Variants in CSNK1D observed in about 807,000 individuals in gnomAD.
The protein encoded by CSNK1D is casein kinase 1 delta, also known as casein kinase I isoform delta.
A neutral mutation model predicts 46.6 loss-of-function variants in CSNK1D; 16 were observed. The ratio of observed to expected loss-of-function variants is 0.34; its 90% confidence interval spans 0.23 to 0.52. The LOEUF is 0.52. Among genes scored for constraint, CSNK1D ranks in the 20% least tolerant of loss-of-function variants. The probability of loss-of-function intolerance (pLI) is 0.95; values close to 1 mark genes in which losing one functional copy is unlikely to be tolerated. For missense variants in CSNK1D, 398 were observed against 578.4 expected, an observed-to-expected ratio of 0.69 and a Z score of 3.20; for synonymous variants, 276 against 228.2, an observed-to-expected ratio of 1.21 and a Z score of -1.89.
Position 82,251,588 on chromosome 17 carries a change from G to T in CSNK1D, c.737-61C>A. The T allele has an allele frequency of 6.4e-7, 1 of 1,564,310 alleles. No homozygotes were observed. The highest frequency in any genetic ancestry group is 8.8e-7 in the Non-Finnish European group (1 of 1,139,826). ...CCCAACTGCGACTCAAGGTGTCTCT[G>T]CCAACGTCGCTGTCTACCTCCTGCT... On this transcript the variant is annotated intron_variant, in intron 5 of 8. Coordinates refer to ENST00000314028, the MANE Select transcript of CSNK1D (RefSeq NM_001893.6). This position sits in a 1 kb window ranked among gnomAD's most constrained non-coding sequence, Gnocchi z 4.5.
intron 2 of CSNK1D, among the ~76,000 whole-genome samples, chr17:82,258,650 T>C (rs995138390): frequency 2.6e-5 from 4 of 152,170 alleles, no homozygotes; most frequent in African/African-American, 9.7e-5. Context: ...CTGTCCCAAA[T>C]TTAGGCAACA....
Position 82,248,911 on chromosome 17 carries a change from T to C in CSNK1D, c.1161A>G (p.Thr387=). Residue 387 remains threonine, a synonymous_variant, in exon 8 of 9, where the codon ACA becomes ACG. Coordinates refer to ENST00000314028, the MANE Select transcript of CSNK1D (RefSeq NM_001893.6). The surrounding 1 kb of genome is among the most constrained non-coding windows in gnomAD (Gnocchi z 4.1). ...APVNISSSDL[T]GRQDTSRMST... is the part of the protein sequence containing the mutation. ...ACATGCGAGAGGTATCTTGTCGGCCTGTGAGGTCGGACGAGGAGATGTTGA... is the reference window on the plus strand; with the variant it reads ...ACATGCGAGAGGTATCTTGTCGGCCCGTGAGGTCGGACGAGGAGATGTTGA... The C allele has an allele frequency of 6.2e-7, 1 of 1,609,848 alleles. No homozygotes were observed. Among genetic ancestry groups the C allele is most frequent in the African/African-American group, 1.3e-5 (1 of 74,984 alleles).
Position 82,243,289 on chromosome 17 carries a change from C to T in CSNK1D, c.*1492G>A, listed in dbSNP as rs2050772588. ...AGAACCAAGGTGCACACCTTCGAAG[C>T]CCTAGAGTCCAAAGGGAACATCGTC... On this transcript the variant is annotated 3_prime_UTR_variant, in exon 9 of 9. Transcript: ENST00000314028. The T allele has an allele frequency of 2.0e-6, 2 of 985,412 alleles. No homozygotes were observed. The highest frequency in any genetic ancestry group is 4.7e-5 in the South Asian group (1 of 21,296). 61.0% of individuals were successfully genotyped at this position (985,412 alleles called of 1,614,324 possible).
Position 82,243,318 on chromosome 17 carries a change from C to A in CSNK1D, c.*1463G>T, listed in dbSNP as rs570269696. ...AGAGTCCAAAGGGAACATCGTCCAT[C>A]GTGATGGGGTCCAGCCGAAGTGCCC... is the stretch of plus-strand genomic sequence containing the variant. On this transcript the variant is annotated 3_prime_UTR_variant, in exon 9 of 9. Coordinates refer to ENST00000314028, the MANE Select transcript of CSNK1D (RefSeq NM_001893.6). The A allele has an allele frequency of 3.0e-6, 3 of 985,520 alleles. No individual in the cohort carries two copies. The highest frequency in any genetic ancestry group is 2.4e-6 in the Non-Finnish European group (2 of 829,990). 61.0% of individuals were successfully genotyped at this position (985,520 alleles called of 1,614,324 possible). A position where few individuals can be genotyped will look rare whatever the true frequency, so the allele number is the denominator to read the frequency against.
In CSNK1D at chr17:82,255,502, C is replaced by A; in HGVS notation, c.263G>T (p.Ser88Ile). 1.2e-6 allele frequency: 2 copies of A among 1,614,170 alleles called. No individual in the cohort carries two copies. The highest frequency in any genetic ancestry group is 1.7e-6 in the Non-Finnish European group (2 of 1,180,034). Residue 88 changes from serine to isoleucine, a missense_variant, in exon 3 of 9, where the codon AGC becomes ATC. Ser to Ile is a moderately radical substitution (Grantham distance 142). Around this residue, in one of 2 missense-constraint regions of CSNK1D, gnomAD observed 217 missense variants for 370.3 expected, o/e 0.59. Coordinates refer to ENST00000314028, the MANE Select transcript of CSNK1D (RefSeq NM_001893.6). This position sits in a 1 kb window ranked among gnomAD's most constrained non-coding sequence, Gnocchi z 5.9. ...GCAGAAGTTGAAGAGGTCCTCCAGGCTTGGCCCCAGCAGCTCCATCACCAT... is the reference window on the plus strand; with the variant it reads ...GCAGAAGTTGAAGAGGTCCTCCAGGATTGGCCCCAGCAGCTCCATCACCAT... ...NVMVMELLGPSLEDLFNFCSR... is the reference protein window; with the variant it reads ...NVMVMELLGPILEDLFNFCSR...
chr17:82,244,706 G>A lies in CSNK1D; in HGVS notation c.*75C>T. 1.2e-6 allele frequency: 2 copies of A among 1,611,018 alleles called. No individual in the cohort carries two copies. The highest frequency in any genetic ancestry group is 1.7e-6 in the Non-Finnish European group (2 of 1,179,628). On this transcript the variant is annotated 3_prime_UTR_variant, in exon 9 of 9. Coordinates refer to ENST00000314028, the MANE Select transcript of CSNK1D (RefSeq NM_001893.6). The stretch of plus-strand genomic sequence containing the variant: ...ATTTCGATCCTAGACCGGGGGACGT[G>A]TCACTAGTAAAGCCATTGGTAACAG...
Position 82,247,633 on chromosome 17 carries a change from AG to A in CSNK1D, c.1197+1241del, listed in dbSNP as rs1025943735. 12 of 985,502 alleles carry A rather than the reference AG, an allele frequency of 1.2e-5. No homozygotes were observed. In the Admixed American group the frequency reaches 5.5e-4, roughly 45 times the overall value. 61.0% of individuals were successfully genotyped at this position (985,502 alleles called of 1,614,324 possible). A position where few individuals can be genotyped will look rare whatever the true frequency, so the allele number is the denominator to read the frequency against. On this transcript the variant is annotated intron_variant, in intron 8 of 8. Coordinates refer to ENST00000314028, the MANE Select transcript of CSNK1D (RefSeq NM_001893.6). ...GCAGACCCTCCCGGGAACTGCTCAC[AG>A]GAACTGATGCGCAAGTGCCAGGCTC...
chr17:82,265,700 A>G lies in CSNK1D; in HGVS notation c.173T>C (p.Met58Thr), dbSNP rs757837678. 7 of 1,613,758 alleles carry G rather than the reference A, an allele frequency of 4.3e-6. No individual in the cohort carries two copies. The highest frequency in any genetic ancestry group is 5.1e-6 in the Non-Finnish European group (6 of 1,179,774). ...TAAAGACCTACCTCCTCCCTGCATC[A>G]TCTTGTAGATTTTGCTCTCAATGTG... ...QLHIESKIYK[M>T]MQGGVGIPTI... The change falls in exon 2 of 9, where the codon ATG (methionine) becomes ACG (threonine). Residue 58 changes from methionine (M) to threonine (T), a missense_variant. Physicochemically the swap from Met to Thr is moderately conservative, Grantham distance 81 (BLOSUM62 -1). Transcript: ENST00000314028.
At chr17:82,257,391 T>C (rs1461511730) in intron 2 of CSNK1D, among the ~76,000 whole-genome samples, 1 of 152,154 alleles carries the variant, frequency 6.6e-6, no homozygotes, top group Non-Finnish European at 1.5e-5. Context: ...GTATCTTACA[T>C]TAAAAAAATA....
chr17:82,241,600 G>A (rs1186857036), downstream of CSNK1D, among the ~76,000 whole-genome samples: 2 of 152,250 alleles, frequency 1.3e-5, no homozygotes, highest in East Asian at 1.9e-4. Flanking sequence ...GGGTCTTGCC[G>A]TTTTCCGGTT....
At chr17:82,265,656 G>A (rs375524284) in intron 2 of CSNK1D, 30 bp downstream of exon 2, 10 of 1,508,396 alleles carry the variant, frequency 6.6e-6, no homozygotes, top group Non-Finnish European at 7.4e-6. Flanking sequence ...ACAGAACCCT[G>A]GTGTTGCTCT....
At chr17:82,265,582 T>G in intron 2 of CSNK1D, 104 bp downstream of exon 2, 1 of 898,552 alleles carries the variant, frequency 1.1e-6, no homozygotes, top group Non-Finnish European at 1.9e-6. Context: ...CCCTCCCTTT[T>G]GCCCAGAACC....
chr17:82,250,233 T>C lies in CSNK1D; in HGVS notation c.886-631A>G, dbSNP rs529430908. On this transcript the variant is annotated intron_variant, in intron 6 of 8. Coordinates refer to ENST00000314028, the MANE Select transcript of CSNK1D (RefSeq NM_001893.6). The surrounding 1 kb of genome is among the most constrained non-coding windows in gnomAD (Gnocchi z 4.6). ...TGCTGTGCGGCAGGGGCCTGCAAAC[T>C]ACAGCCCCGGGGCCAAACCCAGGTG... The C allele has an allele frequency of 7.8e-7, 1 of 1,288,544 alleles. No homozygotes were observed. The highest frequency in any genetic ancestry group is 5.6e-5 in the East Asian group (1 of 18,016). The allele number at this position is 1,288,544 out of a possible 1,614,324, so 79.8% of individuals were successfully genotyped here.
rs901136854 is a variant in CSNK1D, at chr17:82,248,526, C to T, written c.1197+349G>A. ...AAGGCTCCCTCGGGCTGGGGGCACC[C>T]ACAATGGGGCGCAAGCAGGCGAGCG... On this transcript the variant is annotated intron_variant, in intron 8 of 8. Transcript: ENST00000314028. The surrounding 1 kb of genome is among the most constrained non-coding windows in gnomAD (Gnocchi z 4.1). The T allele has an allele frequency of 1.1e-5, 12 of 1,135,392 alleles. No homozygotes were observed. The highest frequency in any genetic ancestry group is 2.2e-6 in the Non-Finnish European group (2 of 919,116). The allele number at this position is 1,135,392 out of a possible 1,614,324, so 70.3% of individuals were successfully genotyped here.
chr17:82,265,471 G>A lies in CSNK1D; in HGVS notation c.187+215C>T, dbSNP rs1599614496. 4 of 564,888 alleles carry A rather than the reference G, an allele frequency of 7.1e-6. No homozygotes were observed. The African/African-American group carries it at 7.5e-5, about 11-fold the overall frequency. The allele number at this position is 564,888 out of a possible 1,614,324, so 35.0% of individuals were successfully genotyped here. ...TGGGATTCCAGGCGTGAGCCACCAT[G>A]CCCGGCCCATAAGATGTTTCTTTGT... is the stretch of plus-strand genomic sequence containing the variant. On this transcript the variant is annotated intron_variant, in intron 2 of 8. Coordinates refer to ENST00000314028, the MANE Select transcript of CSNK1D (RefSeq NM_001893.6).
chr17:82,260,289 G>A (rs955152739), intron 2 of CSNK1D, among the ~76,000 whole-genome samples: 1 of 132,978 alleles, frequency 7.5e-6, no homozygotes. Context: ...TGAGTGATGC[G>A]ACTGATAGTG....
Position 82,255,414 on chromosome 17 carries a change from G to C in CSNK1D, c.336+15C>G, listed in dbSNP as rs1007527113. ...GACAGCAAGTGTGTGCCAACTGTCA[G>C]GAAACAGTCCTTACCATTTGGTCAG... On this transcript the variant is annotated intron_variant, in intron 3 of 8. Coordinates refer to ENST00000314028, the MANE Select transcript of CSNK1D (RefSeq NM_001893.6). The surrounding 1 kb of genome is among the most constrained non-coding windows in gnomAD (Gnocchi z 5.9). 6 of 1,614,116 alleles carry C rather than the reference G, an allele frequency of 3.7e-6. No individual in the cohort carries two copies. The highest frequency in any genetic ancestry group is 5.1e-6 in the Non-Finnish European group (6 of 1,179,992).
At chr17:82,244,930 GCCA>G in intron 8 of CSNK1D, 99 bp from the exon 9 acceptor site, 1 of 1,507,552 alleles carries the variant, frequency 6.6e-7, no homozygotes, top group East Asian at 2.3e-5. Flanking sequence ...GGGACGCACC[GCCA>G]CCGCCTAGCC....
chr17:82,258,522 T>A (rs915505793), intron 2 of CSNK1D, among the ~76,000 whole-genome samples: 1 of 152,122 alleles, frequency 6.6e-6, no homozygotes, highest in Admixed American at 6.6e-5. Flanking sequence ...CTCAACCTTA[T>A]TACGGATTTG....
Sources: gnomAD v4.1 joint callset for allele counts (sites outside exome capture counted in the v4.1 genomes callset) on GRCh38, gnomAD v4.1.1 for gene constraint, gnomAD v4.1.1 regional missense constraint, Gnocchi (gnomAD v3.1) non-coding constraint, MANE v1.5 for transcripts, NCBI Gene and HGNC (gene_info 2026-07-23, HGNC 2026-07-21) for gene names.